CHODL: variants seen among roughly 807,000 people sequenced by gnomAD.
CHODL encodes the protein transmembrane protein MT75.
Under a neutral mutation model 34.5 loss-of-function variants are expected in CHODL, and 29 were observed. The observed-to-expected ratio is 0.84, with a 90% confidence interval of 0.63 to 1.15. The LOEUF is 1.15. Ranked by LOEUF, CHODL falls within the 50% of genes most tolerant of loss-of-function variation. CHODL has a pLI of 0.00. For missense variants in CHODL, 332 were observed against 332.5 expected (o/e 1.00, Z 0.01); for synonymous variants, 125 against 116.1 (o/e 1.08, Z -0.49).
At chr21:18,124,296 G>A (rs2065516052) in intron 2 of CHODL, among the ~76,000 whole-genome samples, 1 of 152,138 alleles carries the variant, frequency 6.6e-6, no homozygotes, top group Admixed American at 6.5e-5. Flanking sequence ...ATCAGTGGGT[G>A]AATAGGAGGT....
At chr21:18,174,638 A>C (rs76104269) in intron 2 of CHODL, among the ~76,000 whole-genome samples, 16,161 of 152,030 alleles carry the variant, frequency 0.11, 936 homozygotes, top group Middle Eastern at 0.15. Flanking sequence ...GATTAAATTG[A>C]TTTTTTTTAA....
At chr21:18,249,281 T>C (rs988244216) in intron 1 of CHODL, among the ~76,000 whole-genome samples, 5 of 150,678 alleles carry the variant, frequency 3.3e-5, no homozygotes, top group Admixed American at 1.3e-4. Context: ...AGTGTTTCTT[T>C]TACTATTTTA....
At chr21:18,211,175 C>G (rs1334164694) in intron 2 of CHODL, among the ~76,000 whole-genome samples, 1 of 151,982 alleles carries the variant, frequency 6.6e-6, no homozygotes, top group African/African-American at 2.4e-5. Context: ...CACACTCACA[C>G]TCACACCCTG....
chr21:17,958,958 A>G (rs924804214), intron 1 of CHODL, among the ~76,000 whole-genome samples: 4 of 152,004 alleles, frequency 2.6e-5, no homozygotes, highest in African/African-American at 9.7e-5. Context: ...TGTCCCATGG[A>G]TATTTTTCCT....
intron 2 of CHODL, among the ~76,000 whole-genome samples, chr21:18,163,333 A>G (rs548511351): frequency 1.3e-5 from 2 of 152,364 alleles, no homozygotes; most frequent in South Asian, 4.1e-4. Flanking sequence ...AATGGGTGTC[A>G]CTTTCTAAAA....
chr21:18,191,444 G>C (rs2073509531), intron 2 of CHODL, among the ~76,000 whole-genome samples: 1 of 152,162 alleles, frequency 6.6e-6, no homozygotes, highest in South Asian at 2.1e-4. Flanking sequence ...AAAATGTTTT[G>C]ACCTCAAGTA....
intron 1 of CHODL, among the ~76,000 whole-genome samples, chr21:17,918,541 G>A (rs930771821): frequency 2.0e-5 from 3 of 151,736 alleles, no homozygotes; most frequent in Non-Finnish European, 4.4e-5. Context: ...ATTCAGAACT[G>A]CCCCCATAAT....
intron 2 of CHODL, among the ~76,000 whole-genome samples, chr21:18,060,719 A>AAAAAAAAAAC (rs2064652343): frequency 6.6e-6 from 1 of 151,426 alleles, no homozygotes; most frequent in African/African-American, 2.4e-5. Flanking sequence ...CAAAAAAAAA[A>AAAAAAAAAAC]AAAAGAAAGC....
intron 2 of CHODL, among the ~76,000 whole-genome samples, chr21:18,236,241 A>G (rs376425119): frequency 1.6e-4 from 25 of 152,194 alleles, no homozygotes; most frequent in African/African-American, 5.8e-4. Context: ...TTATAAAACC[A>G]TTAGAGCTTG....
At chr21:17,926,675 G>A (rs1368694172) in intron 1 of CHODL, among the ~76,000 whole-genome samples, 1 of 152,020 alleles carries the variant, frequency 6.6e-6, no homozygotes, top group Non-Finnish European at 1.5e-5. Flanking sequence ...CCGCCCCCAC[G>A]ATTCATTTAC....
intron 2 of CHODL, among the ~76,000 whole-genome samples, chr21:18,232,268 A>G (rs2073986863): frequency 6.6e-6 from 1 of 152,138 alleles, no homozygotes; most frequent in Non-Finnish European, 1.5e-5. Context: ...CTTAATACAT[A>G]TAAAATAAAT....
intron 1 of CHODL, among the ~76,000 whole-genome samples, chr21:17,932,049 A>G (rs1398287578): frequency 6.6e-6 from 1 of 152,160 alleles, no homozygotes; most frequent in East Asian, 1.9e-4. Flanking sequence ...TTTGCAGACT[A>G]TGCATCTGAC....
intron 2 of CHODL, among the ~76,000 whole-genome samples, chr21:18,184,754 T>G (rs1054316352): frequency 1.3e-5 from 2 of 152,160 alleles, no homozygotes; most frequent in Non-Finnish European, 2.9e-5. Context: ...TTCTTCTATG[T>G]CAACTGGAGA....
In CHODL at chr21:18,100,867, G is replaced by A. The variant is rs17002322; in HGVS notation, c.-45+72896G>A. Among the ~76,000 whole-genome samples the A allele has an allele frequency of 5.7e-3, 861 of 152,226 alleles. 5 individuals are homozygous for A. The highest frequency in any genetic ancestry group is 0.019 in the African/African-American group (791 of 41,536). On this transcript the variant is annotated intron_variant, in intron 2 of 6. Transcript: ENST00000400127. ...TGTGAATTCCATCTCATACAGAGAT[G>A]CTGGTCTTAAGATTTTTTTCCCCCA...
intron 1 of CHODL, among the ~76,000 whole-genome samples, chr21:17,934,019 A>G (rs1219746920): frequency 6.6e-6 from 1 of 151,402 alleles, no homozygotes; most frequent in African/African-American, 2.5e-5. Flanking sequence ...TCTAAGTAAC[A>G]AGAGTGAAAC....
At chr21:18,101,182 G>A (rs1360641959) in intron 2 of CHODL, among the ~76,000 whole-genome samples, 1 of 152,070 alleles carries the variant, frequency 6.6e-6, no homozygotes, top group Admixed American at 6.6e-5. Flanking sequence ...AAAAACGGGA[G>A]TTTCTCTGCA....
At chr21:18,229,244 G>A (rs946600034) in intron 2 of CHODL, among the ~76,000 whole-genome samples, 4 of 152,132 alleles carry the variant, frequency 2.6e-5, no homozygotes, top group African/African-American at 9.7e-5. Context: ...TGATGCTCAT[G>A]AACTTGTGTA....
intron 1 of CHODL, among the ~76,000 whole-genome samples, chr21:17,934,825 TTGTA>T (rs2063306652): frequency 6.6e-6 from 1 of 152,198 alleles, no homozygotes; most frequent in Non-Finnish European, 1.5e-5. Flanking sequence ...AAATTAAAAT[TTGTA>T]TGTTCAAAAT....
At chr21:18,015,471 T>C (rs2064063683) in intron 1 of CHODL, among the ~76,000 whole-genome samples, 1 of 152,156 alleles carries the variant, frequency 6.6e-6, no homozygotes, top group Non-Finnish European at 1.5e-5. Context: ...CTCAGGTAGT[T>C]CTTTATAGCA....
Sources: gnomAD v4.1 joint callset for allele counts (sites outside exome capture counted in the v4.1 genomes callset) on GRCh38, gnomAD v4.1.1 for gene constraint, MANE v1.5 for transcripts, NCBI Gene and HGNC (gene_info 2026-07-23, HGNC 2026-07-21) for gene names.